Variants in BOP1 observed in about 807,000 individuals in gnomAD.
BOP1 encodes BOP1 ribosomal biogenesis factor.
In BOP1, 54 loss-of-function variants were observed where a neutral mutation model predicts 82.9. The observed-to-expected ratio is 0.65, with a 90% confidence interval of 0.52 to 0.82. BOP1 has a LOEUF of 0.82. Ranked by LOEUF, BOP1 falls within the 40% of genes least tolerant of loss-of-function variation. BOP1 has a pLI of 0.00. For missense variants in BOP1, 1,170 were observed against 1,072.0 expected (o/e 1.09, Z -1.28); for synonymous variants, 566 against 451.1 (o/e 1.25, Z -3.23).
At chr8:144,262,705 G>A (rs1049502364) in intron 13 of BOP1, 33 bp from the exon 14 acceptor site, 240 of 1,607,054 alleles carry the variant, frequency 1.5e-4, no homozygotes, top group Middle Eastern at 1.2e-3. Flanking sequence ...AGGTGTTCCC[G>A]CTCTCACCTG....
At chr8:144,286,457 CAT>C (rs1814872856) in intron 2 of BOP1, among the ~76,000 whole-genome samples, 4 of 119,676 alleles carry the variant, frequency 3.3e-5, no homozygotes, top group Non-Finnish European at 7.1e-5. Flanking sequence ...CGGGCAGGTG[CAT>C]GGGCGCCACG....
intron 2 of BOP1, among the ~76,000 whole-genome samples, chr8:144,282,454 G>A (rs1438683366): frequency 6.6e-6 from 1 of 152,144 alleles, no homozygotes; most frequent in Non-Finnish European, 1.5e-5. Context: ...GTGGGCCCTG[G>A]GGTGAGGCTG....
At chr8:144,275,512 C>T (rs1845556676) in intron 3 of BOP1, among the ~76,000 whole-genome samples, 2 of 151,218 alleles carry the variant, frequency 1.3e-5, no homozygotes, top group African/African-American at 4.9e-5. Flanking sequence ...CTGGCGGAGC[C>T]CAGCCCGGTG....
At chr8:144,273,684 G>C (rs905003254) in intron 3 of BOP1, among the ~76,000 whole-genome samples, 17 of 152,182 alleles carry the variant, frequency 1.1e-4, no homozygotes, top group Non-Finnish European at 1.6e-4. Flanking sequence ...CCACCTCCCC[G>C]GGGGTCCCAG....
At chr8:144,286,969 C>G (rs1554839542) in intron 2 of BOP1, among the ~76,000 whole-genome samples, 1 of 152,230 alleles carries the variant, frequency 6.6e-6, no homozygotes, top group African/African-American at 2.4e-5. Context: ...CCGCAGACAC[C>G]TCTAGTACCT....
chr8:144,283,717 A>G (rs1554839184), intron 2 of BOP1, among the ~76,000 whole-genome samples: 1 of 152,268 alleles, frequency 6.6e-6, no homozygotes, highest in African/African-American at 2.4e-5. Flanking sequence ...AAGATGAAGC[A>G]GCAACACCAT....
In BOP1 at chr8:144,263,278, C is replaced by T; in HGVS notation, c.1548G>A (p.Leu516=). ...CTTGGCGCTCCTCCTCTGAGGCCTCCAGCCAGCGGGCCGGCTGCAAGGGGG... is the reference window on the plus strand; with the variant it reads ...CTTGGCGCTCCTCCTCTGAGGCCTCTAGCCAGCGGGCCGGCTGCAAGGGGG... ...EEPPLQPARW[L]EASEEERQVG... Residue 516 remains leucine, a synonymous_variant, in exon 12 of 16, where the codon CTG becomes CTA. Transcript: ENST00000569669. 1 of 1,594,712 alleles carries T rather than the reference C, an allele frequency of 6.3e-7. No individual in the cohort carries two copies. The highest frequency in any genetic ancestry group is 8.5e-7 in the Non-Finnish European group (1 of 1,179,126).
intron 2 of BOP1, among the ~76,000 whole-genome samples, chr8:144,283,185 C>CA (rs1254499567): frequency 5.7e-5 from 2 of 34,918 alleles, no homozygotes; most frequent in South Asian, 1.6e-3. Flanking sequence ...GCGATAAGAG[C>CA]AAAAAAACTC....
chr8:144,284,080 G>A (rs1292911419), intron 2 of BOP1, among the ~76,000 whole-genome samples: 3 of 152,220 alleles, frequency 2.0e-5, no homozygotes, highest in East Asian at 1.9e-4. Flanking sequence ...TTGCACCACC[G>A]TACTCCAGCC....
intron 3 of BOP1, among the ~76,000 whole-genome samples, chr8:144,268,987 C>G (rs1554837517): frequency 2.6e-5 from 4 of 152,172 alleles, no homozygotes; most frequent in Non-Finnish European, 5.9e-5. Context: ...GGTGTCCTGC[C>G]TCCACGAGCC....
At chr8:144,266,824 G>C (rs1205136805) in intron 3 of BOP1, 7 of 1,261,842 alleles carry the variant, frequency 5.5e-6, no homozygotes, top group South Asian at 2.1e-5. Context: ...GGGCCGGCCA[G>C]GCCGTGAGCC....
chr8:144,276,603 T>A (rs1165275467), intron 2 of BOP1, among the ~76,000 whole-genome samples: 19 of 151,902 alleles, frequency 1.3e-4, no homozygotes, highest in Non-Finnish European at 2.4e-4. Flanking sequence ...ACTGGGGCAG[T>A]CAGGAGCAAA....
intron 1 of BOP1, among the ~76,000 whole-genome samples, chr8:144,290,010 A>G (rs1461666578): frequency 6.6e-6 from 1 of 152,176 alleles, no homozygotes; most frequent in Non-Finnish European, 1.5e-5. Context: ...CGGCACACAC[A>G]GTGTTCGGGT....
chr8:144,288,904 G>A (rs1157292028), intron 2 of BOP1, among the ~76,000 whole-genome samples, 191 bp downstream of exon 2: 1 of 152,240 alleles, frequency 6.6e-6, no homozygotes. Flanking sequence ...CAGAGTTCCT[G>A]GGAACGGCAC....
chr8:144,268,705 G>C (rs1845438306), intron 3 of BOP1, among the ~76,000 whole-genome samples: 2 of 152,152 alleles, frequency 1.3e-5, no homozygotes, highest in African/African-American at 4.8e-5. Flanking sequence ...GTGGGGTGGG[G>C]ACAAGGGAGC....
intron 3 of BOP1, chr8:144,265,431 G>A: frequency 2.6e-6 from 1 of 387,734 alleles, no homozygotes; most frequent in Admixed American, 4.3e-5. Flanking sequence ...GGGGCCTTAG[G>A]CAGAAGTGGG....
At chr8:144,271,856 GCA>G (rs1845497770) in intron 3 of BOP1, among the ~76,000 whole-genome samples, 2 of 152,154 alleles carry the variant, frequency 1.3e-5, no homozygotes, top group African/African-American at 2.4e-5. Context: ...TAGAGGCTGG[GCA>G]CACAGCTCGG....
intron 3 of BOP1, chr8:144,267,200 C>CGCCGAGGGGG (rs1441972788): frequency 6.7e-7 from 1 of 1,498,556 alleles, no homozygotes; most frequent in Non-Finnish European, 8.8e-7. Flanking sequence ...GGCCGTGGGG[C>CGCCGAGGGGG]GCCGAGGGGG....
In BOP1 at chr8:144,264,976, G is replaced by A. The variant is rs1845323693; in HGVS notation, c.486C>T (p.Pro162=). The change falls in exon 4 of 16, where the codon CCC becomes CCT. Residue 162 remains proline, a synonymous_variant. Transcript: ENST00000569669. ...GGTCCAGCTCATCCCGGGTCCGCAG[G>A]GGCTTGTAGATGCGCCTGCCATCCA... ...YDLDGRRIYK[P]LRTRDELDQF... The A allele has an allele frequency of 1.2e-6, 2 of 1,612,426 alleles. No individual in the cohort carries two copies. Among genetic ancestry groups the A allele is most frequent in the Non-Finnish European group, 1.7e-6 (2 of 1,179,764 alleles).
Sources: gnomAD v4.1 joint callset for allele counts (sites outside exome capture counted in the v4.1 genomes callset) on GRCh38, gnomAD v4.1.1 for gene constraint, MANE v1.5 for transcripts, NCBI Gene and HGNC (gene_info 2026-07-23, HGNC 2026-07-21) for gene names.